The following ASIC2 variants were observed in gnomAD, a reference collection of about 807,000 sequenced individuals.
ASIC2 encodes the protein acid sensing ion channel subunit 2.
ASIC2 carries 25 observed loss-of-function variants against 57.3 expected under a neutral mutation model. The ratio of observed to expected loss-of-function variants is 0.44; its 90% CI spans 0.32 to 0.61. The LOEUF is 0.61. Ranked by LOEUF, ASIC2 falls within the 20% of genes least tolerant of loss-of-function variation. The pLI is 0.06. For synonymous variants in ASIC2, 319 were observed against 307.5 expected (o/e 1.04, Z -0.39); for missense variants, 641 against 738.1 (o/e 0.87, Z 1.52).
intron 1 of ASIC2, among the ~76,000 whole-genome samples, chr17:34,056,705 A>G (rs1908777960): frequency 6.6e-6 from 1 of 152,246 alleles, no homozygotes; most frequent in Non-Finnish European, 1.5e-5. Context: ...GTCAATCTAT[A>G]TTATTTACTT....
chr17:33,731,070 G>A (rs1909725036), intron 1 of ASIC2, among the ~76,000 whole-genome samples: 1 of 152,200 alleles, frequency 6.6e-6, no homozygotes, highest in Non-Finnish European at 1.5e-5. Flanking sequence ...TGGGCTGAGG[G>A]AGTGAATGAG....
At chr17:33,448,962 T>A (rs1043722622) in intron 1 of ASIC2, among the ~76,000 whole-genome samples, 24 of 152,210 alleles carry the variant, frequency 1.6e-4, no homozygotes, top group African/African-American at 5.8e-4. Context: ...CTCTTAGTTA[T>A]AGCATGGTCT....
chr17:33,346,986 C>T (rs183859800), intron 1 of ASIC2, among the ~76,000 whole-genome samples: 13 of 152,212 alleles, frequency 8.5e-5, no homozygotes, highest in African/African-American at 2.6e-4. Context: ...GAAATAGACA[C>T]GGAGCAGCTG....
At chr17:34,008,782 C>T (rs1006484118) in intron 1 of ASIC2, among the ~76,000 whole-genome samples, 3 of 152,220 alleles carry the variant, frequency 2.0e-5, no homozygotes, top group African/African-American at 7.2e-5. Flanking sequence ...TTCTTCCTTG[C>T]CCAAAGCGAA....
intron 1 of ASIC2, among the ~76,000 whole-genome samples, chr17:33,138,215 G>T (rs1352536738): frequency 6.6e-6 from 1 of 152,110 alleles, no homozygotes; most frequent in Non-Finnish European, 1.5e-5. Flanking sequence ...ACAAGCAATG[G>T]ATGGGCTAAG....
At chr17:33,430,479 G>C (rs544634810) in intron 1 of ASIC2, among the ~76,000 whole-genome samples, 30 of 152,250 alleles carry the variant, frequency 2.0e-4, no homozygotes, top group African/African-American at 6.7e-4. Context: ...CCTACTTCAC[G>C]TCACTGACCC....
intron 1 of ASIC2, chr17:34,071,869 C>T (rs1909420621): frequency 6.6e-6 from 1 of 151,828 alleles, no homozygotes; most frequent in Admixed American, 6.6e-5. Context: ...AAGACATTTT[C>T]TAGGGAGAGA....
Position 33,292,146 on chromosome 17 carries a change from G to A in ASIC2, c.-31C>T. 9.7e-7 allele frequency: 1 copy of A among 1,030,508 alleles called. No individual in the cohort carries two copies. The highest frequency in any genetic ancestry group is 1.2e-6 in the Non-Finnish European group (1 of 861,386). The allele number at this position is 1,030,508 out of a possible 1,614,324, so 63.8% of individuals were successfully genotyped here. On this transcript the variant is annotated 5_prime_UTR_variant, in exon 1 of 10. Coordinates refer to ENST00000225823, the MANE Select transcript of ASIC2 (RefSeq NM_183377.2). ...CAGCCCGCGGCTGGCGGCAGCGGCG[G>A]CGGCCCCGGCCGGGCGGAGCCGCCA... is the stretch of plus-strand genomic sequence containing the variant.
At chr17:33,934,057 G>C (rs2141973711) in intron 1 of ASIC2, among the ~76,000 whole-genome samples, 1 of 152,250 alleles carries the variant, frequency 6.6e-6, no homozygotes, top group African/African-American at 2.4e-5. Context: ...TTCTAGTTTT[G>C]GACTTCTGGG....
At chr17:33,811,345 C>T (rs1482809318) in intron 1 of ASIC2, among the ~76,000 whole-genome samples, 2 of 152,222 alleles carry the variant, frequency 1.3e-5, no homozygotes, top group African/African-American at 4.8e-5. Flanking sequence ...CAAAAATTCC[C>T]TTCTTGCTCA....
chr17:33,037,130 C>CAAA (rs35845015), intron 3 of ASIC2, among the ~76,000 whole-genome samples: 43,481 of 124,502 alleles, frequency 0.35, 7,567 homozygotes, highest in Admixed American at 0.48. Context: ...GGTGTGGTAG[C>CAAA]AAAAAAAAAA....
chr17:33,999,499 GA>G (rs1906267474), intron 1 of ASIC2, among the ~76,000 whole-genome samples: 1 of 152,142 alleles, frequency 6.6e-6, no homozygotes, highest in Admixed American at 6.5e-5. Flanking sequence ...TGCATGCTAG[GA>G]TTTCTTTCTC....
chr17:33,051,767 A>G (rs16967974), intron 3 of ASIC2, among the ~76,000 whole-genome samples: 32,759 of 152,184 alleles, frequency 0.22, 3,723 homozygotes, highest in Middle Eastern at 0.32. Context: ...TATAGAAGGC[A>G]GTCAATATAG....
At chr17:33,465,212 A>G (rs1383455334) in intron 1 of ASIC2, among the ~76,000 whole-genome samples, 5 of 152,174 alleles carry the variant, frequency 3.3e-5, no homozygotes, top group Admixed American at 6.5e-5. Flanking sequence ...GAGCAATAAT[A>G]CACCAGGCTG....
intron 1 of ASIC2, among the ~76,000 whole-genome samples, chr17:33,307,437 G>A (rs1398498447): frequency 6.6e-6 from 1 of 152,070 alleles, no homozygotes; most frequent in Non-Finnish European, 1.5e-5. Flanking sequence ...AGCCTCCTGA[G>A]CAGCTGGGAT....
chr17:33,130,857 CCAAGT>C (rs1317592945), intron 1 of ASIC2, among the ~76,000 whole-genome samples: 1 of 152,084 alleles, frequency 6.6e-6, no homozygotes, highest in African/African-American at 2.4e-5. Context: ...AGATGGGAAT[CCAAGT>C]CAGAATGAGG....
chr17:33,687,553 G>A (rs1908234605), intron 1 of ASIC2, among the ~76,000 whole-genome samples: 1 of 152,174 alleles, frequency 6.6e-6, no homozygotes, highest in Non-Finnish European at 1.5e-5. Flanking sequence ...AGGAGAAGAT[G>A]GGGGCTCTTA....
chr17:33,223,653 T>C (rs1323596582), intron 1 of ASIC2, among the ~76,000 whole-genome samples: 2 of 152,242 alleles, frequency 1.3e-5, no homozygotes, highest in African/African-American at 2.4e-5. Flanking sequence ...AATATTTCCT[T>C]ATATAATATT....
intron 1 of ASIC2, among the ~76,000 whole-genome samples, chr17:34,057,482 G>A (rs1018046828): frequency 3.9e-5 from 6 of 152,286 alleles, no homozygotes; most frequent in African/African-American, 7.2e-5. Flanking sequence ...ATGGGACTTG[G>A]TGCAATTATG....
Sources: allele counts gnomAD v4.1 joint callset (sites outside exome capture counted in the v4.1 genomes callset), GRCh38; gene constraint gnomAD v4.1.1; transcripts MANE v1.5; gene names NCBI Gene and HGNC (gene_info 2026-07-23, HGNC 2026-07-21).